Variants in CIROZ observed in about 807,000 individuals in gnomAD.
The protein encoded by CIROZ is ciliated left-right organizer ZP-N domains-containing protein.
the CIROZ span, among the ~76,000 whole-genome samples, chr1:10,963,401 A>G: frequency 6.6e-6 from 1 of 152,178 alleles, no homozygotes; most frequent in South Asian, 2.1e-4. Flanking sequence ...AAAAACAAAC[A>G]AACAAACAAA....
chr1:10,964,574 G>A, the CIROZ span, among the ~76,000 whole-genome samples: 1 of 152,208 alleles, frequency 6.6e-6, no homozygotes, highest in Non-Finnish European at 1.5e-5. Context: ...CTTGAGAGTT[G>A]ACAAATATTT....
At chr1:10,975,993 T>C in the CIROZ span, among the ~76,000 whole-genome samples, 30,316 of 152,074 alleles carry the variant, frequency 0.2, 3,220 homozygotes, top group Non-Finnish European at 0.22. Flanking sequence ...TGCCGCTTCC[T>C]TGTTGGGAGA....
At chr1:10,957,857 G>A in the CIROZ span, 1 of 1,314,500 alleles carries the variant, frequency 7.6e-7, no homozygotes, top group South Asian at 1.4e-5. Flanking sequence ...AGGCAACAGG[G>A]TCACGGGGAG....
chr1:10,976,697 G>C, the CIROZ span, among the ~76,000 whole-genome samples: 45 of 125,050 alleles, frequency 3.6e-4, no homozygotes, highest in Admixed American at 1.7e-3. Context: ...ATGGCCAAGA[G>C]ACGAAAAAAA....
chr1:10,979,510 T>C, the CIROZ span, among the ~76,000 whole-genome samples: 59,774 of 151,842 alleles, frequency 0.39, 16,310 homozygotes, highest in African/African-American at 0.78. Context: ...GGAGTGAGGT[T>C]GGTTCAACCA....
the CIROZ span, among the ~76,000 whole-genome samples, chr1:10,979,890 A>C: frequency 2.0e-5 from 3 of 152,184 alleles, no homozygotes; most frequent in Non-Finnish European, 1.5e-5. Context: ...TCTACTAAAA[A>C]TACGAAATTA....
the CIROZ span, chr1:10,976,099 G>C: frequency 6.9e-7 from 1 of 1,445,722 alleles, no homozygotes; most frequent in Non-Finnish European, 9.4e-7. Flanking sequence ...TTCTCAGTCT[G>C]CTCATTGGGG....
At chr1:10,969,334 C>A in the CIROZ span, among the ~76,000 whole-genome samples, 1 of 151,976 alleles carries the variant, frequency 6.6e-6, no homozygotes, top group East Asian at 1.9e-4. Flanking sequence ...GTTCCAGGTA[C>A]GCTGAAGACA....
At chr1:10,972,991 G>T in the CIROZ span, among the ~76,000 whole-genome samples, 1 of 152,122 alleles carries the variant, frequency 6.6e-6, no homozygotes, top group Non-Finnish European at 1.5e-5. Context: ...GGGGCATTGG[G>T]CCTTGCCGTA....
the CIROZ span, among the ~76,000 whole-genome samples, chr1:10,976,893 C>G: frequency 1.3e-5 from 2 of 152,160 alleles, no homozygotes; most frequent in Non-Finnish European, 2.9e-5. Context: ...CGAGGGCTCA[C>G]AGCTGTAATC....
the CIROZ span, chr1:10,954,943 GC>G: frequency 6.5e-7 from 1 of 1,538,878 alleles, no homozygotes; most frequent in Non-Finnish European, 8.8e-7. Context: ...AAGGAGAAGG[GC>G]CTCAGGAAGA....
chr1:10,980,693 A>G, the CIROZ span, among the ~76,000 whole-genome samples: 1 of 152,192 alleles, frequency 6.6e-6, no homozygotes, highest in Non-Finnish European at 1.5e-5. Flanking sequence ...GGGGGTAGAC[A>G]GCTCTCCCCT....
At chr1:10,974,458 A>T in the CIROZ span, among the ~76,000 whole-genome samples, 1 of 152,120 alleles carries the variant, frequency 6.6e-6, no homozygotes, top group Non-Finnish European at 1.5e-5. This position sits in a 1 kb window ranked among gnomAD's most constrained non-coding sequence, Gnocchi z 4.4. Flanking sequence ...CGTCCGAAAG[A>T]CTTGCCTGTG....
At chr1:10,947,955 C>T in the CIROZ span, 8 of 1,613,608 alleles carry the variant, frequency 5.0e-6, no homozygotes, top group Non-Finnish European at 6.8e-6. Flanking sequence ...CTGGTCTGGC[C>T]CTCCCACAGA....
At chr1:10,973,949 A>G in the CIROZ span, among the ~76,000 whole-genome samples, 1 of 138,554 alleles carries the variant, frequency 7.2e-6, no homozygotes, top group African/African-American at 3.0e-5. Flanking sequence ...CGGGGACCCC[A>G]GGAAGGACCC....
At chr1:10,946,686 GACA>G in the CIROZ span, 1 of 152,264 alleles carries the variant, frequency 6.6e-6, no homozygotes, top group African/African-American at 2.4e-5. Context: ...GGAGCCTGGG[GACA>G]GCTGGGTCAC....
At chr1:10,951,743 A>ATAT in the CIROZ span, among the ~76,000 whole-genome samples, 438 of 124,376 alleles carry the variant, frequency 3.5e-3, no homozygotes, top group African/African-American at 0.013. Flanking sequence ...AAAAAAAAAA[A>ATAT]AAATATATAT....
chr1:10,959,899 T>G, the CIROZ span, among the ~76,000 whole-genome samples: 4 of 152,280 alleles, frequency 2.6e-5, no homozygotes, highest in African/African-American at 9.6e-5. This position sits in a 1 kb window ranked among gnomAD's most constrained non-coding sequence, Gnocchi z 4.3. Context: ...CTGCCTTCCC[T>G]TGGGGAGCAA....
the CIROZ span, chr1:10,947,742 A>T: frequency 6.3e-7 from 1 of 1,583,966 alleles, no homozygotes; most frequent in East Asian, 2.3e-5. Context: ...ACTGAGGGCC[A>T]AGGTGGGCTC....
Sources: allele counts gnomAD v4.1 joint callset (sites outside exome capture counted in the v4.1 genomes callset), GRCh38; gene constraint gnomAD v4.1.1; non-coding constraint Gnocchi (gnomAD v3.1); transcripts MANE v1.5; gene names NCBI Gene and HGNC (gene_info 2026-07-23, HGNC 2026-07-21).